GSK3B: variants seen among roughly 807,000 people sequenced by gnomAD.
GSK3B encodes the protein glycogen synthase kinase 3 beta.
Under a neutral mutation model 56.4 loss-of-function variants are expected in GSK3B, and 15 were observed. The observed-to-expected ratio is 0.27, with a 90% CI of 0.18 to 0.41. The LOEUF is 0.41. Among genes scored for constraint, GSK3B ranks in the 10% least tolerant of loss-of-function variants. The pLI is 1.00. For missense variants in GSK3B, 300 were observed against 513.4 expected (o/e 0.58, Z 4.02); for synonymous variants, 181 against 188.9 (o/e 0.96, Z 0.34).
At chr3:119,827,874 A>AC (rs1326392399) in intron 10 of GSK3B, among the ~76,000 whole-genome samples, 1 of 151,298 alleles carries the variant, frequency 6.6e-6, no homozygotes, top group African/African-American at 2.4e-5. Context: ...GGGTACAAAA[A>AC]AAAAAATGTA....
chr3:119,835,119 G>T (rs2055669432), intron 10 of GSK3B, among the ~76,000 whole-genome samples: 1 of 152,098 alleles, frequency 6.6e-6, no homozygotes. Flanking sequence ...ATATTAATTG[G>T]CTACCAAGTT....
chr3:119,833,145 C>T, intron 10 of GSK3B, among the ~76,000 whole-genome samples: 1 of 129,544 alleles, frequency 7.7e-6, no homozygotes. Context: ...CACAAATGGT[C>T]CTGTCCATAC....
intron 2 of GSK3B, among the ~76,000 whole-genome samples, chr3:119,973,422 T>C (rs1164496360): frequency 6.6e-6 from 1 of 152,224 alleles, no homozygotes; most frequent in Non-Finnish European, 1.5e-5. Context: ...TCATCGGCAT[T>C]GTCTGCTCTT....
rs2058547219 is a variant in GSK3B at position 120,094,426 on chromosome 3, C to T, written c.-992G>A. 3 of 314,192 alleles carry T rather than the reference C, an allele frequency of 9.5e-6. No homozygotes were observed. Among genetic ancestry groups the T allele is most frequent in the South Asian group, 4.2e-5 (1 of 23,854 alleles). The allele number at this position is 314,192 out of a possible 1,614,324, so 19.5% of individuals were successfully genotyped here. ...GCGGCGGCACAAGCCCGCATTCGCCCGGGTCAGGAGCTGCTCTGTGTGAGG... is the reference window on the plus strand; with the variant it reads ...GCGGCGGCACAAGCCCGCATTCGCCTGGGTCAGGAGCTGCTCTGTGTGAGG... On this transcript the variant is annotated 5_prime_UTR_variant, in exon 1 of 11. Coordinates refer to ENST00000264235, the MANE Select transcript of GSK3B (RefSeq NM_001146156.2).
At chr3:120,035,569 G>C (rs1035778761) in intron 1 of GSK3B, among the ~76,000 whole-genome samples, 1 of 152,202 alleles carries the variant, frequency 6.6e-6, no homozygotes. Flanking sequence ...TCAACTAGGA[G>C]AGCACTATTA....
Position 119,886,491 on chromosome 3 carries a change from A to G in GSK3B, c.814-9983T>C, listed in dbSNP as rs1167078310. On this transcript the variant is annotated intron_variant, in intron 7 of 10. Transcript: ENST00000264235. ...TAGAAAGCAGTTTAGAGATTTCTCAAATAACTTGCTTGACCCAGCAATGCC... is the reference window on the plus strand; with the variant it reads ...TAGAAAGCAGTTTAGAGATTTCTCAGATAACTTGCTTGACCCAGCAATGCC... Among the ~76,000 whole-genome samples, 3 of 151,920 alleles carry G rather than the reference A, an allele frequency of 2.0e-5. No individual in the cohort carries two copies. The East Asian group carries it at 5.8e-4, about 29-fold the overall frequency.
intron 1 of GSK3B, among the ~76,000 whole-genome samples, chr3:120,028,175 T>C (rs770469980): frequency 4.1e-5 from 6 of 144,694 alleles, no homozygotes; most frequent in Non-Finnish European, 7.4e-5. Context: ...GACTGGGATG[T>C]GTGTTTAAAA....
At chr3:119,944,049 T>C (rs1290729441) in intron 3 of GSK3B, among the ~76,000 whole-genome samples, 1 of 152,142 alleles carries the variant, frequency 6.6e-6, no homozygotes, top group African/African-American at 2.4e-5. Flanking sequence ...TTATAGAGAA[T>C]GAGAGAATTT....
At chr3:119,986,501 C>T (rs1386908407) in intron 2 of GSK3B, among the ~76,000 whole-genome samples, 3 of 151,700 alleles carry the variant, frequency 2.0e-5, no homozygotes, top group Admixed American at 6.6e-5. Context: ...AAAAAACAAC[C>T]CCCATCATAA....
intron 1 of GSK3B, among the ~76,000 whole-genome samples, chr3:120,045,064 T>C (rs2058092020): frequency 6.6e-6 from 1 of 152,232 alleles, no homozygotes; most frequent in Non-Finnish European, 1.5e-5. Flanking sequence ...TGTCATACCA[T>C]GCATTGTAGG....
chr3:119,833,390 T>C (rs1477019555), intron 10 of GSK3B, among the ~76,000 whole-genome samples: 1 of 152,156 alleles, frequency 6.6e-6, no homozygotes, highest in East Asian at 1.9e-4. Context: ...TAAATTCTTC[T>C]GATTTATTGA....
intron 1 of GSK3B, among the ~76,000 whole-genome samples, chr3:120,035,449 T>C (rs1218583801): frequency 6.6e-6 from 1 of 152,236 alleles, no homozygotes; most frequent in Non-Finnish European, 1.5e-5. Context: ...GGATCCCTTG[T>C]ATTTCCATAT....
intron 2 of GSK3B, among the ~76,000 whole-genome samples, chr3:119,960,859 TTTG>T (rs1350416772): frequency 2.0e-5 from 3 of 152,326 alleles, no homozygotes; most frequent in Admixed American, 2.0e-4. Context: ...ATGACATAGT[TTTG>T]TTGTCTGTTT....
intron 9 of GSK3B, among the ~76,000 whole-genome samples, 183 bp downstream of exon 9, chr3:119,863,236 T>C (rs1235142872): frequency 6.6e-6 from 1 of 152,248 alleles, no homozygotes; most frequent in Admixed American, 6.5e-5. Context: ...TTTTACGTGC[T>C]ACTCTTCTGT....
intron 4 of GSK3B, among the ~76,000 whole-genome samples, chr3:119,921,890 T>C (rs2056843197): frequency 1.3e-5 from 2 of 152,232 alleles, no homozygotes; most frequent in South Asian, 4.1e-4. Context: ...GTAATCTCAG[T>C]ACTTGGGGAG....
intron 3 of GSK3B, among the ~76,000 whole-genome samples, chr3:119,930,080 T>TACACACACACACACACACACAC (rs71619762): frequency 7.5e-6 from 1 of 133,564 alleles, no homozygotes; most frequent in African/African-American, 2.9e-5. Context: ...TTCTGTCTCC[T>TACACACACACACACACACACAC]ACACACACAC....
chr3:119,918,023 T>C (rs1300836172), intron 4 of GSK3B, among the ~76,000 whole-genome samples: 1 of 152,086 alleles, frequency 6.6e-6, no homozygotes, highest in African/African-American at 2.4e-5. Flanking sequence ...ATTTTAAATA[T>C]AAAATAACTG....
In GSK3B at chr3:119,970,806, C is replaced by A. The variant is rs112932910; in HGVS notation, c.283-23455G>T. Among the ~76,000 whole-genome samples the A allele has an allele frequency of 2.2e-3, 325 of 149,968 alleles. 1 individual carries two copies. The highest frequency in any genetic ancestry group is 6.8e-3 in the Middle Eastern group (2 of 294). ...CGTTTCAAAAAAACAAACAAACAAA[C>A]AAAAAAAACAAAAAATAAAAAACAA... On this transcript the variant is annotated intron_variant, in intron 2 of 10. Transcript: ENST00000264235.
At chr3:119,895,757 A>G (rs2056555908) in intron 7 of GSK3B, among the ~76,000 whole-genome samples, 1 of 152,110 alleles carries the variant, frequency 6.6e-6, no homozygotes, top group Admixed American at 6.6e-5. Context: ...ATTCTACTTA[A>G]TTGATCTGTA....
Sources: allele counts gnomAD v4.1 joint callset (sites outside exome capture counted in the v4.1 genomes callset), GRCh38; gene constraint gnomAD v4.1.1; transcripts MANE v1.5; gene names NCBI Gene and HGNC (gene_info 2026-07-23, HGNC 2026-07-21).